Variants in KCNQ1 observed in about 807,000 individuals in gnomAD.
KCNQ1 encodes potassium voltage-gated channel subfamily Q member 1, also known as potassium voltage-gated channel subfamily KQT member 1.
A neutral mutation model predicts 72.4 loss-of-function variants in KCNQ1; 49 were observed. The ratio of observed to expected loss-of-function variants is 0.68; its 90% CI spans 0.54 to 0.86. The LOEUF is 0.86. Ranked by LOEUF, KCNQ1 falls within the 40% of genes least tolerant of loss-of-function variation. The probability of loss-of-function intolerance (pLI) is 0.00; values close to 1 mark genes in which losing one functional copy is unlikely to be tolerated. For missense variants in KCNQ1, 790 were observed against 945.1 expected, an observed-to-expected ratio of 0.84 and a Z score of 2.15; for synonymous variants, 450 against 412.6, an observed-to-expected ratio of 1.09 and a Z score of -1.10.
At position 2,544,396 on chromosome 11, in the gene KCNQ1, A is replaced by C. The variant is rs1397172709; in HGVS notation, c.477+16378A>C. Reference sequence around the variant, plus strand: ...TATATATATGTGTGCATATATGTGTATATATGTGTGTGTATATATATATAT... The same window carrying C: ...TATATATATGTGTGCATATATGTGTCTATATGTGTGTGTATATATATATAT... On this transcript the variant is annotated intron_variant, in intron 2 of 15. Transcript: ENST00000155840. The surrounding 1 kb of genome is among the most constrained non-coding windows in gnomAD (Gnocchi z 4.4). Among the ~76,000 whole-genome samples the C allele has an allele frequency of 7.4e-6, 1 of 135,838 alleles. No homozygotes were observed. The highest frequency in any genetic ancestry group is 3.0e-5 in the African/African-American group (1 of 33,676). The allele number at this position is 135,838 out of a possible 152,430, so 89.1% of individuals were successfully genotyped here.
intron 15 of KCNQ1, among the ~76,000 whole-genome samples, chr11:2,839,055 T>C (rs1848147654): frequency 2.6e-5 from 4 of 152,222 alleles, no homozygotes; most frequent in East Asian, 1.9e-4. Context: ...TGCCTCGGGC[T>C]CTTGGACAGA....
chr11:2,675,623 C>A (rs989762177), intron 11 of KCNQ1: 1 of 398,484 alleles, frequency 2.5e-6, no homozygotes, highest in African/African-American at 2.1e-5. Context: ...TGGAGAGCAC[C>A]CCTTATTAGA....
chr11:2,645,748 G>A lies in KCNQ1; in HGVS notation c.1394-16213G>A. On this transcript the variant is annotated intron_variant, in intron 10 of 15. Coordinates refer to ENST00000155840, the MANE Select transcript of KCNQ1 (RefSeq NM_000218.3). This position sits in a 1 kb window ranked among gnomAD's most constrained non-coding sequence, Gnocchi z 5.8. Reference sequence around the variant, plus strand: ...TGTAAGGGATGTCCATGGGGCTCCAGGGATGAGATAGAGGGATGTGGGGCC... The same window carrying A: ...TGTAAGGGATGTCCATGGGGCTCCAAGGATGAGATAGAGGGATGTGGGGCC... 1 of 398,810 alleles carries A rather than the reference G, an allele frequency of 2.5e-6. No homozygotes were observed. The highest frequency in any genetic ancestry group is 4.4e-6 in the Non-Finnish European group (1 of 226,208). The allele number at this position is 398,810 out of a possible 1,614,324, so 24.7% of individuals were successfully genotyped here.
chr11:2,575,731 G>A (rs1447070567), intron 6 of KCNQ1, among the ~76,000 whole-genome samples: 2 of 152,190 alleles, frequency 1.3e-5, no homozygotes, highest in Admixed American at 1.3e-4. Context: ...TGGAGGCCAG[G>A]CCATTCTGAT....
chr11:2,545,170 C>T (rs7130209), intron 2 of KCNQ1, among the ~76,000 whole-genome samples: 69,038 of 152,128 alleles, frequency 0.45, 18,209 homozygotes, highest in African/African-American at 0.72. Flanking sequence ...TTGTATATCA[C>T]TGGACTTGAC....
rs1410370691 is a variant in KCNQ1 at position 2,824,549 on chromosome 11, T to C, written c.1795-23218T>C. On this transcript the variant is annotated intron_variant, in intron 15 of 15. Transcript: ENST00000155840. The surrounding 1 kb of genome is among the most constrained non-coding windows in gnomAD (Gnocchi z 5.9). ...TAGGCTGCAAGGCTCAGCAGGGAGATTGGAGCTGAAAACAGAGGCTGCAAC... is the reference window on the plus strand; with the variant it reads ...TAGGCTGCAAGGCTCAGCAGGGAGACTGGAGCTGAAAACAGAGGCTGCAAC... 6.6e-6 allele frequency among the ~76,000 whole-genome samples: 1 copy of C among 151,568 alleles called. No individual in the cohort carries two copies. Among genetic ancestry groups the C allele is most frequent in the African/African-American group, 2.4e-5 (1 of 41,186 alleles).
At chr11:2,513,651 G>T (rs1847244536) in intron 1 of KCNQ1, among the ~76,000 whole-genome samples, 1 of 152,204 alleles carries the variant, frequency 6.6e-6, no homozygotes, top group African/African-American at 2.4e-5. Flanking sequence ...CCAGAGCCTG[G>T]GGGTGTCCCA....
At chr11:2,749,307 G>A (rs561986481) in intron 11 of KCNQ1, among the ~76,000 whole-genome samples, 3 of 152,218 alleles carry the variant, frequency 2.0e-5, no homozygotes, top group African/African-American at 7.2e-5. Flanking sequence ...GAAATCGAGG[G>A]GTGTCGGGGG....
intron 15 of KCNQ1, among the ~76,000 whole-genome samples, chr11:2,791,588 G>A (rs1287821684): frequency 6.6e-6 from 1 of 152,140 alleles, no homozygotes; most frequent in Non-Finnish European, 1.5e-5. Flanking sequence ...GGGAAACCGC[G>A]GGCGGGGAAG....
At position 2,483,295 on chromosome 11, in the gene KCNQ1, T is replaced by C. The variant is rs1393596903; in HGVS notation, c.386+37811T>C. 6.6e-6 allele frequency among the ~76,000 whole-genome samples: 1 copy of C among 152,148 alleles called. No homozygotes were observed. The highest frequency in any genetic ancestry group is 1.5e-5 in the Non-Finnish European group (1 of 68,018). ...AACATCAGTCCTCTCTTGGCTTCTG[T>C]ACTTTAAAAAAATCATTTTGTTTTG... On this transcript the variant is annotated intron_variant, in intron 1 of 15. Coordinates refer to ENST00000155840, the MANE Select transcript of KCNQ1 (RefSeq NM_000218.3). The surrounding 1 kb of genome is among the most constrained non-coding windows in gnomAD (Gnocchi z 6.1).
intron 4 of KCNQ1, 138 bp downstream of exon 4, chr11:2,571,541 G>C: frequency 2.7e-6 from 2 of 745,832 alleles, no homozygotes; most frequent in East Asian, 2.7e-5. Context: ...GGGGCACTGA[G>C]CCATGTGCTG....
At chr11:2,843,980 C>A (rs972729336) in intron 15 of KCNQ1, among the ~76,000 whole-genome samples, 7 of 152,216 alleles carry the variant, frequency 4.6e-5, no homozygotes, top group African/African-American at 7.2e-5. Context: ...GAACCGGCCC[C>A]AGTGCCTAGA....
Position 2,768,182 on chromosome 11 carries a change from T to G in KCNQ1, c.1515-662T>G, listed in dbSNP as rs1037654959. On this transcript the variant is annotated intron_variant, in intron 11 of 15. Transcript: ENST00000155840. The surrounding 1 kb of genome is among the most constrained non-coding windows in gnomAD (Gnocchi z 6.7). ...GCTTCACTGCCAGGAGGGAATCTCC[T>G]GTGGCCTCCATGGCGCTGTGTTTTC... 6.6e-6 allele frequency among the ~76,000 whole-genome samples: 1 copy of G among 152,392 alleles called. No homozygotes were observed. Among genetic ancestry groups the G allele is most frequent in the Non-Finnish European group, 1.5e-5 (1 of 68,036 alleles).
At chr11:2,700,012 GCGCTCCGACTGCCCCCGCCGCTGCCGA>G (rs1850769910) in intron 11 of KCNQ1, 1 of 398,252 alleles carries the variant, frequency 2.5e-6, no homozygotes, top group Non-Finnish European at 4.4e-6. Flanking sequence ...GACTGCGGCA[GCGCTCCGACTGCCCCCGCCGCTGCCGA>G]CGTGGCGACC....
Position 2,663,594 on chromosome 11 carries a change from C to T in KCNQ1, c.1514+1513C>T. ...CTTCTCCTGTTGGAGCTCTCGCTCA[C>T]CTTGGTTCTCTTGGTCACGGACCAG... On this transcript the variant is annotated intron_variant, in intron 11 of 15. Coordinates refer to ENST00000155840, the MANE Select transcript of KCNQ1 (RefSeq NM_000218.3). This position sits in a 1 kb window ranked among gnomAD's most constrained non-coding sequence, Gnocchi z 5.2. 1 of 398,712 alleles carries T rather than the reference C, an allele frequency of 2.5e-6. No homozygotes were observed. The highest frequency in any genetic ancestry group is 3.6e-5 in the East Asian group (1 of 28,076). 24.7% of individuals were successfully genotyped at this position (398,712 alleles called of 1,614,324 possible).
At chr11:2,736,574 A>G (rs1845960218) in intron 11 of KCNQ1, among the ~76,000 whole-genome samples, 1 of 152,166 alleles carries the variant, frequency 6.6e-6, no homozygotes, top group Admixed American at 6.5e-5. Context: ...GAGGGAGTCA[A>G]TGCCAGCTCA....
At position 2,713,196 on chromosome 11, in the gene KCNQ1, C is replaced by G. The variant is rs1002251155; in HGVS notation, c.1514+51115C>G. The stretch of plus-strand genomic sequence containing the variant: ...GATGTGGCTTCCGTGGACTGAGCAG[C>G]CTGGAGCCCCTACTTGCTTGGTGTC... On this transcript the variant is annotated intron_variant, in intron 11 of 15. Coordinates refer to ENST00000155840, the MANE Select transcript of KCNQ1 (RefSeq NM_000218.3). This position sits in a 1 kb window ranked among gnomAD's most constrained non-coding sequence, Gnocchi z 5.6. Among the ~76,000 whole-genome samples the G allele has an allele frequency of 2.6e-5, 4 of 152,106 alleles. No individual in the cohort carries two copies. The highest frequency in any genetic ancestry group is 5.9e-5 in the Non-Finnish European group (4 of 68,020).
chr11:2,814,086 A>C (rs971669693), intron 15 of KCNQ1, among the ~76,000 whole-genome samples: 19 of 145,174 alleles, frequency 1.3e-4, no homozygotes, highest in African/African-American at 4.2e-4. Context: ...TGGATGGATG[A>C]ATGGAGAGAT....
Position 2,764,069 on chromosome 11 carries a change from T to C in KCNQ1, c.1515-4775T>C, listed in dbSNP as rs1433327499. 2.6e-5 allele frequency among the ~76,000 whole-genome samples: 4 copies of C among 152,220 alleles called. No homozygotes were observed. Among genetic ancestry groups the C allele is most frequent in the Admixed American group, 6.5e-5 (1 of 15,274 alleles). ...CTTTTTAACATACCAGCTGGGACTT[T>C]CTGGACAATGTGAAATAGAAACGAT... On this transcript the variant is annotated intron_variant, in intron 11 of 15. Coordinates refer to ENST00000155840, the MANE Select transcript of KCNQ1 (RefSeq NM_000218.3). The surrounding 1 kb of genome is among the most constrained non-coding windows in gnomAD (Gnocchi z 4.8).
Sources: gnomAD v4.1 joint callset for allele counts (sites outside exome capture counted in the v4.1 genomes callset) on GRCh38, gnomAD v4.1.1 for gene constraint, Gnocchi (gnomAD v3.1) non-coding constraint, MANE v1.5 for transcripts, NCBI Gene and HGNC (gene_info 2026-07-23, HGNC 2026-07-21) for gene names.